Variants in BRD10 observed in about 807,000 individuals in gnomAD.
BRD10 encodes the protein uncharacterized bromodomain-containing protein 10.
chr9:5,940,439 C>T, the BRD10 span, among the ~76,000 whole-genome samples: 1 of 152,102 alleles, frequency 6.6e-6, no homozygotes. Context: ...GTGATCCGCC[C>T]ACCTTGGCCT....
chr9:5,983,560 T>C, the BRD10 span, among the ~76,000 whole-genome samples: 3 of 152,132 alleles, frequency 2.0e-5, no homozygotes, highest in African/African-American at 4.8e-5. Context: ...AATGAAGATA[T>C]ATAAAAAACA....
chr9:5,991,048 A>G, the BRD10 span, among the ~76,000 whole-genome samples: 1 of 152,178 alleles, frequency 6.6e-6, no homozygotes, highest in Admixed American at 6.5e-5. Context: ...CGAATCAAGT[A>G]TATGTATATG....
chr9:5,983,922 G>GA, the BRD10 span, among the ~76,000 whole-genome samples: 1 of 134,868 alleles, frequency 7.4e-6, no homozygotes, highest in Non-Finnish European at 1.6e-5. Flanking sequence ...GTGCTGATAG[G>GA]AAAAAACCTG....
At chr9:5,992,211 G>T in the BRD10 span, among the ~76,000 whole-genome samples, 1 of 152,156 alleles carries the variant, frequency 6.6e-6, no homozygotes, top group South Asian at 2.1e-4. Flanking sequence ...AGCTCCAGGA[G>T]GATAGGAACT....
the BRD10 span, among the ~76,000 whole-genome samples, chr9:5,963,928 G>A: frequency 4.0e-5 from 6 of 151,514 alleles, no homozygotes; most frequent in East Asian, 1.9e-4. Context: ...AGATTTAAAC[G>A]TTAGACCTAA....
the BRD10 span, among the ~76,000 whole-genome samples, chr9:5,958,379 T>A: frequency 6.6e-6 from 1 of 152,218 alleles, no homozygotes; most frequent in African/African-American, 2.4e-5. Context: ...CCCTTTCAGT[T>A]CCCCTTTCTC....
the BRD10 span, among the ~76,000 whole-genome samples, chr9:5,953,226 A>C: frequency 1.4e-3 from 210 of 152,278 alleles, no homozygotes; most frequent in Middle Eastern, 3.4e-3. Context: ...AATTCATCTG[A>C]ACACCACTTT....
chr9:5,910,856 G>A, the BRD10 span: 1 of 152,232 alleles, frequency 6.6e-6, no homozygotes, highest in Non-Finnish European at 1.5e-5. Context: ...AACCCTGGGA[G>A]CCATGTGTTA....
chr9:5,912,459 G>A, the BRD10 span, among the ~76,000 whole-genome samples: 1 of 151,996 alleles, frequency 6.6e-6, no homozygotes, highest in Non-Finnish European at 1.5e-5. Context: ...TGGGGTGGGG[G>A]GTTGGGGAAC....
the BRD10 span, among the ~76,000 whole-genome samples, chr9:5,953,273 T>C: frequency 6.6e-6 from 1 of 152,142 alleles, no homozygotes; most frequent in Non-Finnish European, 1.5e-5. Flanking sequence ...TATAAAACTT[T>C]TGAAAATTGA....
the BRD10 span, among the ~76,000 whole-genome samples, chr9:5,880,122 T>C: frequency 1.3e-5 from 2 of 149,434 alleles, no homozygotes; most frequent in Non-Finnish European, 3.0e-5. Context: ...GGTTTCACCA[T>C]GTTGGCCAGG....
chr9:5,939,699 T>C, the BRD10 span, among the ~76,000 whole-genome samples: 1 of 152,196 alleles, frequency 6.6e-6, no homozygotes, highest in Non-Finnish European at 1.5e-5. Flanking sequence ...ATAAGGCCCT[T>C]AGCAAATACA....
the BRD10 span, among the ~76,000 whole-genome samples, chr9:5,907,980 C>T: frequency 6.6e-6 from 1 of 152,040 alleles, no homozygotes; most frequent in African/African-American, 2.4e-5. Context: ...AATAAAATTA[C>T]ATAAGTGGCT....
At chr9:5,989,492 T>G in the BRD10 span, among the ~76,000 whole-genome samples, 1 of 151,234 alleles carries the variant, frequency 6.6e-6, no homozygotes, top group Non-Finnish European at 1.5e-5. Context: ...TTCCCTGCTT[T>G]CCTACAGGCT....
At chr9:5,905,539 T>C in the BRD10 span, among the ~76,000 whole-genome samples, 2 of 152,242 alleles carry the variant, frequency 1.3e-5, no homozygotes, top group African/African-American at 2.4e-5. Flanking sequence ...TAATGTGGTA[T>C]ACTTTCCAAA....
chr9:5,935,597 T>C, the BRD10 span, among the ~76,000 whole-genome samples: 4 of 152,212 alleles, frequency 2.6e-5, no homozygotes, highest in Non-Finnish European at 5.9e-5. Context: ...ACTGATGATA[T>C]TTTAACAGAT....
At chr9:5,992,815 A>C in the BRD10 span, among the ~76,000 whole-genome samples, 8 of 152,044 alleles carry the variant, frequency 5.3e-5, no homozygotes, top group Non-Finnish European at 1.0e-4. Flanking sequence ...AATTATTACA[A>C]TAAGTCTTAA....
At chr9:5,896,438 T>A in the BRD10 span, among the ~76,000 whole-genome samples, 3 of 152,188 alleles carry the variant, frequency 2.0e-5, no homozygotes, top group African/African-American at 2.4e-5. Context: ...GTTCGCTCTA[T>A]CCTGTTTGGA....
chr9:5,935,439 T>C, the BRD10 span, among the ~76,000 whole-genome samples: 562 of 152,318 alleles, frequency 3.7e-3, 2 homozygotes, highest in South Asian at 7.9e-3. Flanking sequence ...TAGTTCACTA[T>C]CACCGGGGAA....
Sources: gnomAD v4.1 joint callset for allele counts (sites outside exome capture counted in the v4.1 genomes callset) on GRCh38, gnomAD v4.1.1 for gene constraint, MANE v1.5 for transcripts, NCBI Gene and HGNC (gene_info 2026-07-23, HGNC 2026-07-21) for gene names.